ATM: variants seen among roughly 807,000 people sequenced by gnomAD.
The protein encoded by ATM is serine-protein kinase ATM.
In ATM, 308 loss-of-function variants were observed where a neutral mutation model predicts 387.0. That is an observed-to-expected ratio of 0.80 (90% CI 0.73 to 0.87). The LOEUF is 0.87. Among genes scored for constraint, ATM ranks in the 40% least tolerant of loss-of-function variants. ATM has a pLI of 0.00. For synonymous variants in ATM, 1,156 were observed against 1,187.3 expected (o/e 0.97, Z 0.54); for missense variants, 3,312 against 3,560.9 (o/e 0.93, Z 1.78).
intron 22 of ATM, among the ~76,000 whole-genome samples, chr11:108,277,009 T>G (rs183009364): frequency 1.3e-5 from 2 of 152,170 alleles, no homozygotes; most frequent in African/African-American, 4.8e-5. Context: ...AGATGGGAAT[T>G]TTATCTATAA....
intron 53 of ATM, 54 bp downstream of exon 53, chr11:108,332,954 G>A (rs1250942207): frequency 6.3e-7 from 1 of 1,575,266 alleles, no homozygotes; most frequent in Non-Finnish European, 8.7e-7. Context: ...ACTCTCTGTA[G>A]AGATATATTA....
intron 48 of ATM, 49 bp from the exon 49 acceptor site, chr11:108,328,972 G>T: frequency 1.3e-6 from 2 of 1,511,698 alleles, no homozygotes; most frequent in Non-Finnish European, 1.8e-6. Flanking sequence ...TTCTTTAGAT[G>T]TATTTAGTAT....
intron 22 of ATM, among the ~76,000 whole-genome samples, chr11:108,276,485 C>T (rs975321579): frequency 6.6e-6 from 1 of 152,240 alleles, no homozygotes; most frequent in African/African-American, 2.4e-5. Flanking sequence ...GGTTTTTCCT[C>T]ATCTTCGTGG....
At chr11:108,262,580 G>C (rs1047285192) in intron 16 of ATM, among the ~76,000 whole-genome samples, 4 of 152,166 alleles carry the variant, frequency 2.6e-5, no homozygotes, top group African/African-American at 9.7e-5. Flanking sequence ...ATCAACTAAT[G>C]AGCAAAATAA....
At chr11:108,322,729 T>G (rs2085325824) in intron 45 of ATM, among the ~76,000 whole-genome samples, 1 of 152,182 alleles carries the variant, frequency 6.6e-6, no homozygotes, top group African/African-American at 2.4e-5. Flanking sequence ...AAATTCAAGT[T>G]TAAAAAATTC....
intron 4 of ATM, among the ~76,000 whole-genome samples, chr11:108,231,276 C>CT (rs2078999707): frequency 6.6e-6 from 1 of 152,122 alleles, no homozygotes; most frequent in Non-Finnish European, 1.5e-5. Context: ...ATGCAGGATC[C>CT]TGGCAAGCTT....
At chr11:108,349,268 G>A (rs997290715) in intron 59 of ATM, among the ~76,000 whole-genome samples, 1 of 152,166 alleles carries the variant, frequency 6.6e-6, no homozygotes, top group Non-Finnish European at 1.5e-5. Context: ...AATTTAACAA[G>A]TAATCAATCC....
At chr11:108,271,041 T>G in intron 18 of ATM, 23 bp from the exon 19 acceptor site, 3 of 1,599,976 alleles carry the variant, frequency 1.9e-6, no homozygotes, top group Non-Finnish European at 2.6e-6. Flanking sequence ...TAAACCTGAT[T>G]TTTTTCCCTC....
intron 61 of ATM, among the ~76,000 whole-genome samples, chr11:108,360,464 G>A (rs1400269400): frequency 8.0e-6 from 1 of 124,234 alleles, no homozygotes; most frequent in South Asian, 3.1e-4. Context: ...GCATCATTCT[G>A]ATACCAAAGC....
At chr11:108,282,026 T>C (rs2082260739) in intron 24 of ATM, among the ~76,000 whole-genome samples, 1 of 152,152 alleles carries the variant, frequency 6.6e-6, no homozygotes, top group South Asian at 2.1e-4. Context: ...AGTGCGGTGA[T>C]GTGATCATGG....
At chr11:108,355,169 T>C in intron 61 of ATM, 1 of 367,198 alleles carries the variant, frequency 2.7e-6, no homozygotes, top group Non-Finnish European at 5.0e-6. Flanking sequence ...GGTATTATTA[T>C]TTTCAGAATG....
At chr11:108,331,105 A>C in intron 50 of ATM, 4 of 984,690 alleles carry the variant, frequency 4.1e-6, no homozygotes, top group Non-Finnish European at 4.9e-6. Context: ...ACTTCATTTT[A>C]TTGTACACTG....
intron 61 of ATM, among the ~76,000 whole-genome samples, chr11:108,363,010 A>G (rs2090970915): frequency 6.6e-6 from 1 of 152,104 alleles, no homozygotes; most frequent in Non-Finnish European, 1.5e-5. Context: ...ACACCCTCCA[A>G]TGCTTTGTGT....
In ATM at chr11:108,251,959, T is replaced by C. The variant is rs1591527919; in HGVS notation, c.1730T>C (p.Met577Thr). The C allele has an allele frequency of 6.2e-7, 1 of 1,613,856 alleles. No homozygotes were observed. Among genetic ancestry groups the C allele is most frequent in the Non-Finnish European group, 8.5e-7 (1 of 1,179,788 alleles). The part of the protein sequence containing the change: ...NRSFSLKESI[M>T]KWLLFYQLEG... ...AGCTTTTCTTTAAAGGAATCAATAA[T>C]GAAATGGCTCTTATTCTATCAGTTA... Residue 577 changes from methionine to threonine, a missense_variant, in exon 11 of 63, where the codon ATG becomes ACG. Transcript: ENST00000675843.
At chr11:108,315,733 A>G (rs1474838938) in intron 40 of ATM, 90 bp from the exon 41 acceptor site, 14 of 875,000 alleles carry the variant, frequency 1.6e-5, no homozygotes, top group Non-Finnish European at 2.4e-5. Flanking sequence ...GTTGGGAGTT[A>G]CATATTGGTA....
intron 27 of ATM, 61 bp downstream of exon 27, chr11:108,287,776 T>G: frequency 8.4e-7 from 1 of 1,192,138 alleles, no homozygotes; most frequent in Non-Finnish European, 1.2e-6. Context: ...AAGAAGTTTA[T>G]TGGTTGACAC....
Position 108,251,845 on chromosome 11 carries a change from T to C in ATM, c.1616T>C (p.Val539Ala), listed in dbSNP as rs2135338920. The C allele has an allele frequency of 6.2e-7, 1 of 1,613,756 alleles. No individual in the cohort carries two copies. The highest frequency in any genetic ancestry group is 8.5e-7 in the Non-Finnish European group (1 of 1,179,752). Reference sequence around the variant, plus strand: ...CCTTTGTTTTGTTATAGTCCTGCAGTATGCTGTTTGACTTTGGCACTGACC... The same window carrying C: ...CCTTTGTTTTGTTATAGTCCTGCAGCATGCTGTTTGACTTTGGCACTGACC... ...GSACRPSCPA[V>A]CCLTLALTTS... Residue 539 changes from valine to alanine, a missense_variant, in exon 11 of 63, where the codon GTA becomes GCA. Physicochemically the swap from Val to Ala is moderately conservative, Grantham distance 64 (BLOSUM62 0). This residue lies in a region of ATM where 1,791 missense variants were observed against 1,804.5 expected (regional missense o/e 0.99). Transcript: ENST00000675843.
intron 17 of ATM, 67 bp downstream of exon 17, chr11:108,267,409 C>G: frequency 7.1e-7 from 1 of 1,410,104 alleles, no homozygotes; most frequent in Non-Finnish European, 1.0e-6. Context: ...TATAAGAGGC[C>G]TCATTGATAT....
intron 4 of ATM, among the ~76,000 whole-genome samples, chr11:108,232,775 A>G (rs989865191): frequency 1.3e-5 from 2 of 151,872 alleles, no homozygotes; most frequent in Non-Finnish European, 2.9e-5. Flanking sequence ...TCCTGGCCTC[A>G]AGTGATCTGC....
Sources: allele counts gnomAD v4.1 joint callset (sites outside exome capture counted in the v4.1 genomes callset), GRCh38; gene constraint gnomAD v4.1.1; regional missense constraint gnomAD v4.1.1; transcripts MANE v1.5; gene names NCBI Gene and HGNC (gene_info 2026-07-23, HGNC 2026-07-21).